Variants in SEZ6L observed in about 807,000 individuals in gnomAD.
SEZ6L encodes the protein seizure related 6 homolog like, also known as seizure 6-like protein.
SEZ6L carries 37 observed loss-of-function variants against 106.2 expected under a neutral mutation model. The ratio of observed to expected loss-of-function variants is 0.35; its 90% CI spans 0.27 to 0.46. SEZ6L has a LOEUF of 0.46. SEZ6L is among the 20% of genes least tolerant of loss of function. The pLI is 1.00. For missense variants in SEZ6L, 1,172 were observed against 1,332.8 expected, an observed-to-expected ratio of 0.88 and a Z score of 1.88; for synonymous variants, 541 against 570.4, an observed-to-expected ratio of 0.95 and a Z score of 0.73.
Position 26,342,582 on chromosome 22 carries a change from G to C in SEZ6L, c.2212+1950G>C, listed in dbSNP as rs145562217. 6.0e-3 allele frequency among the ~76,000 whole-genome samples: 914 copies of C among 151,956 alleles called. 6 individuals carry two copies. Among genetic ancestry groups the C allele is most frequent in the Middle Eastern group, 0.021 (6 of 292 alleles). On this transcript the variant is annotated intron_variant, in intron 10 of 16. Transcript: ENST00000248933. The stretch of plus-strand genomic sequence containing the variant: ...GTGGTGGCAGGCACCTGTAGTCCCA[G>C]CTACTCGGGAGGCTGAGGCAGGAGA...
At chr22:26,290,361 C>G (rs1284141635) in intron 1 of SEZ6L, among the ~76,000 whole-genome samples, 1 of 152,046 alleles carries the variant, frequency 6.6e-6, no homozygotes, top group Admixed American at 6.5e-5. Context: ...GAAACCCTGT[C>G]TCTACTAAAA....
intron 1 of SEZ6L, among the ~76,000 whole-genome samples, chr22:26,221,668 G>A (rs984561318): frequency 6.6e-6 from 1 of 152,058 alleles, no homozygotes; most frequent in African/African-American, 2.4e-5. Context: ...AATATTTTAA[G>A]GTTCTAAGAG....
At chr22:26,368,989 T>A (rs1341925268) in intron 13 of SEZ6L, among the ~76,000 whole-genome samples, 3 of 152,168 alleles carry the variant, frequency 2.0e-5, no homozygotes, top group Non-Finnish European at 4.4e-5. Flanking sequence ...CACCGCAGCA[T>A]GGAAACCTAG....
rs2082345449 is a variant in SEZ6L, at chr22:26,327,394, C to G, written c.2016-13042C>G. On this transcript the variant is annotated intron_variant, in intron 9 of 16. Coordinates refer to ENST00000248933, the MANE Select transcript of SEZ6L (RefSeq NM_021115.5). Reference sequence around the variant, plus strand: ...CACATGACACTACACACACCATACACACACCACATACACACCACACACACA... The same window carrying G: ...CACATGACACTACACACACCATACAGACACCACATACACACCACACACACA... Among the ~76,000 whole-genome samples the G allele has an allele frequency of 3.5e-5, 5 of 141,494 alleles. No individual in the cohort carries two copies. The South Asian group carries it at 1.1e-3, about 31-fold the overall frequency. The allele number at this position is 141,494 out of a possible 152,430, so 92.8% of individuals were successfully genotyped here. A position where few individuals can be genotyped will look rare whatever the true frequency, so the allele number is the denominator to read the frequency against.
At chr22:26,311,412 G>A (rs2081825789) in intron 7 of SEZ6L, among the ~76,000 whole-genome samples, 1 of 152,194 alleles carries the variant, frequency 6.6e-6, no homozygotes, top group Non-Finnish European at 1.5e-5. Context: ...AAGAAAAGCT[G>A]GCTTTTATCA....
In SEZ6L at chr22:26,169,703, C is replaced by G. The variant is rs1219092259; in HGVS notation, c.34C>G (p.Arg12Gly). Residue 12 changes from arginine (R) to glycine (G), a missense_variant, in exon 1 of 17, where the codon CGC becomes GGC. Physicochemically the swap from Arg to Gly is moderately radical, Grantham distance 125. Coordinates refer to ENST00000248933, the MANE Select transcript of SEZ6L (RefSeq NM_021115.5). Reference sequence around the variant, plus strand: ...GGCCCGGCCGCCCGCCGCGGGACTCCGCGGGATCTCGCTGTTCCTCGCTCT... The same window carrying G: ...GGCCCGGCCGCCCGCCGCGGGACTCGGCGGGATCTCGCTGTTCCTCGCTCT... ...PAARPPAAGLRGISLFLALLL... is the reference protein window; with the variant it reads ...PAARPPAAGLGGISLFLALLL... 2.3e-6 allele frequency: 3 copies of G among 1,310,874 alleles called. No homozygotes were observed. The highest frequency in any genetic ancestry group is 3.1e-5 in the East Asian group (1 of 32,256). 81.2% of individuals were successfully genotyped at this position (1,310,874 alleles called of 1,614,324 possible). A position where few individuals can be genotyped will look rare whatever the true frequency, so the allele number is the denominator to read the frequency against.
At chr22:26,368,639 G>A (rs901790637) in intron 13 of SEZ6L, among the ~76,000 whole-genome samples, 1 of 152,106 alleles carries the variant, frequency 6.6e-6, no homozygotes, top group East Asian at 1.9e-4. Flanking sequence ...ACATGTTTTG[G>A]AACTAGGCAG....
At chr22:26,293,775 T>G (rs688480) in intron 2 of SEZ6L, among the ~76,000 whole-genome samples, 39,339 of 152,256 alleles carry the variant, frequency 0.26, 5,960 homozygotes, top group Non-Finnish European at 0.35. Flanking sequence ...ACTAGCCTTT[T>G]CAAAGCACAT....
At chr22:26,353,546 C>T (rs527940816) in intron 12 of SEZ6L, among the ~76,000 whole-genome samples, 4 of 152,214 alleles carry the variant, frequency 2.6e-5, no homozygotes, top group Admixed American at 6.5e-5. Context: ...CACACTTGGT[C>T]CCCAAGCCCC....
At chr22:26,378,677 G>A (rs947690261) in intron 16 of SEZ6L, among the ~76,000 whole-genome samples, 1 of 152,168 alleles carries the variant, frequency 6.6e-6, no homozygotes, top group Non-Finnish European at 1.5e-5. Context: ...ATGGGCTGAA[G>A]AAGATGCCAG....
chr22:26,340,243 A>G (rs2082784844), intron 9 of SEZ6L, among the ~76,000 whole-genome samples, 193 bp from the exon 10 acceptor site: 1 of 152,112 alleles, frequency 6.6e-6, no homozygotes, highest in South Asian at 2.1e-4. Flanking sequence ...CAAAAAAAAA[A>G]TGACTTACAA....
rs1211405837 is a variant in SEZ6L at position 26,324,095 on chromosome 22, CACACACAA to C, written c.2015+10201_2015+10208del. Among the ~76,000 whole-genome samples the C allele has an allele frequency of 8.4e-4, 126 of 149,514 alleles. 1 individual carries two copies. The highest frequency in any genetic ancestry group is 2.8e-3 in the African/African-American group (113 of 40,926). On this transcript the variant is annotated intron_variant, in intron 9 of 16. Coordinates refer to ENST00000248933, the MANE Select transcript of SEZ6L (RefSeq NM_021115.5). ...ACACACACACACACACACACACACA[CACACACAA>C]ACACACACACACACACAAACGGTAG...
chr22:26,358,818 A>G (rs2083520264), intron 12 of SEZ6L, among the ~76,000 whole-genome samples: 1 of 152,192 alleles, frequency 6.6e-6, no homozygotes, highest in African/African-American at 2.4e-5. Context: ...ACAACTTGTC[A>G]GGGAAGAGGG....
chr22:26,289,226 T>C (rs879720649), intron 1 of SEZ6L, among the ~76,000 whole-genome samples: 2 of 152,210 alleles, frequency 1.3e-5, no homozygotes, highest in Non-Finnish European at 2.9e-5. Context: ...AGCTGGGTCT[T>C]GGAAGCTGGG....
rs137198 is a variant in SEZ6L, at chr22:26,284,604, C to CAAAAAAAA, written c.95-7781_95-7774dup. Reference sequence around the variant, plus strand: ...CAGCCTTGATGACAGATCAGGACTCCAAAAAAAAAAAAAAAAAAAAAAAAA... The same window carrying CAAAAAAAA: ...CAGCCTTGATGACAGATCAGGACTCCAAAAAAAAAAAAAAAAAAAAAAAAAAAAAAAAA... On this transcript the variant is annotated intron_variant, in intron 1 of 16. Transcript: ENST00000248933. Among the ~76,000 whole-genome samples, 90 of 64,020 alleles carry CAAAAAAAA rather than the reference C, an allele frequency of 1.4e-3. 1 individual carries two copies. The highest frequency in any genetic ancestry group is 2.2e-3 in the African/African-American group (48 of 22,164). 42.0% of individuals were successfully genotyped at this position (64,020 alleles called of 152,430 possible). A position where few individuals can be genotyped will look rare whatever the true frequency, so the allele number is the denominator to read the frequency against.
At chr22:26,249,696 G>T (rs5761444) in intron 1 of SEZ6L, among the ~76,000 whole-genome samples, 19,432 of 152,130 alleles carry the variant, frequency 0.13, 1,664 homozygotes, top group East Asian at 0.35. Context: ...ATATACCTGA[G>T]AGTGGGATTG....
At chr22:26,369,562 G>C (rs190248400) in intron 13 of SEZ6L, among the ~76,000 whole-genome samples, 45 of 151,532 alleles carry the variant, frequency 3.0e-4, no homozygotes, top group African/African-American at 9.7e-4. Flanking sequence ...GGATGGTCTC[G>C]ATCTCCTGAC....
chr22:26,312,028 C>CA (rs1453892325), intron 8 of SEZ6L, 66 bp downstream of exon 8: 2 of 1,493,516 alleles, frequency 1.3e-6, no homozygotes, highest in Non-Finnish European at 1.8e-6. Flanking sequence ...ATGAGAAGAC[C>CA]AAGGCCCCAG....
chr22:26,365,454 A>T lies in SEZ6L; in HGVS notation c.2682A>T (p.Gly894=). 1 of 1,614,202 alleles carries T rather than the reference A, an allele frequency of 6.2e-7. No individual in the cohort carries two copies. The highest frequency in any genetic ancestry group is 8.5e-7 in the Non-Finnish European group (1 of 1,180,028). ...TGTACAAGCGACTCTACCTGCCAGG[A>T]GAGTCCCTCACCTTCATGTGCTACG... is the stretch of plus-strand genomic sequence containing the variant. ...QILYKRLYLP[G]ESLTFMCYEG... is the part of the protein sequence containing the mutation. The change falls in exon 13 of 17, where the codon GGA becomes GGT. Residue 894 remains glycine (G), a synonymous_variant. Coordinates refer to ENST00000248933, the MANE Select transcript of SEZ6L (RefSeq NM_021115.5).
Sources: gnomAD v4.1 joint callset for allele counts (sites outside exome capture counted in the v4.1 genomes callset) on GRCh38, gnomAD v4.1.1 for gene constraint, MANE v1.5 for transcripts, NCBI Gene and HGNC (gene_info 2026-07-23, HGNC 2026-07-21) for gene names.